Variants in DLGAP3 observed in about 807,000 individuals in gnomAD.
The protein encoded by DLGAP3 is DLG associated protein 3, also known as disks large-associated protein 3.
Under a neutral mutation model 81.2 loss-of-function variants are expected in DLGAP3, and 17 were observed. The observed-to-expected ratio is 0.21, with a 90% CI of 0.14 to 0.31. DLGAP3 has a LOEUF of 0.31. Among genes scored for constraint, DLGAP3 ranks in the 10% least tolerant of loss-of-function variants. DLGAP3 has a pLI of 1.00. For missense variants in DLGAP3, 1,124 were observed against 1,388.0 expected, an observed-to-expected ratio of 0.81 and a Z score of 3.02; for synonymous variants, 577 against 587.4, an observed-to-expected ratio of 0.98 and a Z score of 0.26.
Position 34,922,103 on chromosome 1 carries a change from C to T in DLGAP3, c.-135+7348G>A, listed in dbSNP as rs369939426. 6.0e-4 allele frequency among the ~76,000 whole-genome samples: 92 copies of T among 152,304 alleles called. No homozygotes were observed. In the South Asian group the frequency reaches 0.013, roughly 22 times the overall value. Reference sequence around the variant, plus strand: ...TTCTGTAGCAATGCCAATGTTTAAGCCCTGATCCTCTTTCCCCACATACAG... The same window carrying T: ...TTCTGTAGCAATGCCAATGTTTAAGTCCTGATCCTCTTTCCCCACATACAG... On this transcript the variant is annotated intron_variant, in intron 1 of 11. Coordinates refer to ENST00000373347, the MANE Select transcript of DLGAP3 (RefSeq NM_001080418.3).
intron 1 of DLGAP3, among the ~76,000 whole-genome samples, chr1:34,913,382 G>T (rs1345174608): frequency 1.3e-5 from 2 of 152,000 alleles, no homozygotes; most frequent in South Asian, 2.1e-4. Context: ...CCACCTCAGG[G>T]GGCTTTGCAC....
In DLGAP3 at chr1:34,868,645, C is replaced by G; in HGVS notation, c.2445G>C (p.Gln815His). 1 of 1,613,144 alleles carries G rather than the reference C, an allele frequency of 6.2e-7. No homozygotes were observed. The highest frequency in any genetic ancestry group is 1.1e-5 in the South Asian group (1 of 91,088). The change falls in exon 9 of 12, where the codon CAG (glutamine) becomes CAC (histidine). Residue 815 changes from glutamine (Q) to histidine (H), a missense_variant. By Grantham distance (24) the Gln-to-His change is conservative. Transcript: ENST00000373347. The surrounding 1 kb of genome is among the most constrained non-coding windows in gnomAD (Gnocchi z 7.5). Reference protein sequence around the residue: ...EVEKLEHWCQQMEREAEDYEL... With the variant: ...EVEKLEHWCQHMEREAEDYEL... The stretch of plus-strand genomic sequence containing the variant: ...CATAGTCCTCCGCCTCACGCTCCAT[C>G]TGCTGGCACCAGTGCTCCAGCTTCT...
chr1:34,875,287 C>A (rs1639034736), intron 8 of DLGAP3, among the ~76,000 whole-genome samples: 1 of 152,180 alleles, frequency 6.6e-6, no homozygotes, highest in South Asian at 2.1e-4. Flanking sequence ...ACAGAGTTCT[C>A]CAGGTGGCCC....
Position 34,867,325 on chromosome 1 carries a change from G to C in DLGAP3, c.2578-134C>G, listed in dbSNP as rs1001616. The C allele has an allele frequency of 0.31, 421,174 of 1,343,748 alleles. 77,074 individuals carry two copies. The highest frequency in any genetic ancestry group is 0.84 in the East Asian group (36,132 of 42,774). The allele number at this position is 1,343,748 out of a possible 1,614,324, so 83.2% of individuals were successfully genotyped here. A position where few individuals can be genotyped will look rare whatever the true frequency, so the allele number is the denominator to read the frequency against. On this transcript the variant is annotated intron_variant, in intron 10 of 11. Coordinates refer to ENST00000373347, the MANE Select transcript of DLGAP3 (RefSeq NM_001080418.3). The surrounding 1 kb of genome is among the most constrained non-coding windows in gnomAD (Gnocchi z 4.3). ...AGAGTGGGTGGGGGCTGGGAGACAG[G>C]GGGACAAGAGCGAGCCCAGGACTCC...
rs1195440302 is a variant in DLGAP3 at position 34,867,273 on chromosome 1, C to A, written c.2578-82G>T. The A allele has an allele frequency of 1.3e-6, 2 of 1,587,360 alleles. No homozygotes were observed. The highest frequency in any genetic ancestry group is 1.1e-5 in the South Asian group (1 of 90,212). On this transcript the variant is annotated intron_variant, in intron 10 of 11. Coordinates refer to ENST00000373347, the MANE Select transcript of DLGAP3 (RefSeq NM_001080418.3). The surrounding 1 kb of genome is among the most constrained non-coding windows in gnomAD (Gnocchi z 4.3). ...CAGGACAAGAGAAAGTCCTATCCAC[C>A]CTTACTGCCAGGAAGCTCAGCCTGG...
chr1:34,890,776 G>C (rs1639298471), intron 5 of DLGAP3, among the ~76,000 whole-genome samples: 1 of 152,220 alleles, frequency 6.6e-6, no homozygotes, highest in South Asian at 2.1e-4. Flanking sequence ...GCAACTTTGT[G>C]AGACACTTGA....
intron 1 of DLGAP3, among the ~76,000 whole-genome samples, chr1:34,910,522 T>A (rs1040119985): frequency 6.6e-6 from 1 of 152,174 alleles, no homozygotes; most frequent in African/African-American, 2.4e-5. Flanking sequence ...TTTTCCAACA[T>A]CCTCTCACAA....
In DLGAP3 at chr1:34,900,047, C is replaced by G; in HGVS notation, c.1313+21G>C. 1 of 1,607,646 alleles carries G rather than the reference C, an allele frequency of 6.2e-7. No homozygotes were observed. The highest frequency in any genetic ancestry group is 8.5e-7 in the Non-Finnish European group (1 of 1,177,224). On this transcript the variant is annotated intron_variant, in intron 4 of 11. Coordinates refer to ENST00000373347, the MANE Select transcript of DLGAP3 (RefSeq NM_001080418.3). The surrounding 1 kb of genome is among the most constrained non-coding windows in gnomAD (Gnocchi z 5.6). ...GCATCAGCCTCCTGACCCCGCACCC[C>G]CCGGCCCTCCCTGTCCTTACTTGAT... is the stretch of plus-strand genomic sequence containing the variant.
chr1:34,925,436 C>A (rs1018302587), intron 1 of DLGAP3: 1 of 152,638 alleles, frequency 6.6e-6, no homozygotes, highest in Admixed American at 6.5e-5. Context: ...TAGCTCCCCA[C>A]ACCCTGTTCT....
rs760654635 is a variant in DLGAP3, at chr1:34,900,046, C to G, written c.1313+22G>C. On this transcript the variant is annotated intron_variant, in intron 4 of 11. Transcript: ENST00000373347. The surrounding 1 kb of genome is among the most constrained non-coding windows in gnomAD (Gnocchi z 5.6). ...AGCATCAGCCTCCTGACCCCGCACC[C>G]CCCGGCCCTCCCTGTCCTTACTTGA... 1.2e-6 allele frequency: 2 copies of G among 1,606,446 alleles called. No homozygotes were observed. The highest frequency in any genetic ancestry group is 3.3e-5 in the Admixed American group (2 of 59,964).
chr1:34,899,749 A>T lies in DLGAP3; in HGVS notation c.1314-8T>A. ...CGGGGTGGGACACAGCAGCTGGAAA[A>T]GGGCAAAATTCCGGAGTCAGAACAG... On this transcript the variant is annotated splice_polypyrimidine_tract_variant and splice_region_variant and intron_variant, in intron 4 of 11. Transcript: ENST00000373347. 6.2e-7 allele frequency: 1 copy of T among 1,613,308 alleles called. No individual in the cohort carries two copies. Among genetic ancestry groups the T allele is most frequent in the Non-Finnish European group, 8.5e-7 (1 of 1,179,448 alleles).
In DLGAP3 at chr1:34,904,929, G is replaced by A. The variant is rs745685047; in HGVS notation, c.455C>T (p.Pro152Leu). The change falls in exon 3 of 12, where the codon CCA becomes CTA. Residue 152 changes from proline (P) to leucine (L), a missense_variant. Transcript: ENST00000373347. The surrounding 1 kb of genome is among the most constrained non-coding windows in gnomAD (Gnocchi z 8.1). ...QRGPAGAGPG[P>L]APGTGTAPEP... ...TGGGGCAGTGCCCGTCCCTGGCGCT[G>A]GCCCGGGCCCTGCCCCTGCTGGCCC... is the stretch of plus-strand genomic sequence containing the variant. 1 of 1,612,410 alleles carries A rather than the reference G, an allele frequency of 6.2e-7. No homozygotes were observed. The highest frequency in any genetic ancestry group is 1.1e-5 in the South Asian group (1 of 91,074).
Position 34,904,934 on chromosome 1 carries a change from G to GGGCCCTGCCCCTGCT in DLGAP3, c.435_449dup (p.Ala146_Pro150dup), listed in dbSNP as rs1553123618. On this transcript the variant is annotated inframe_insertion, in exon 3 of 12. Transcript: ENST00000373347. This position sits in a 1 kb window ranked among gnomAD's most constrained non-coding sequence, Gnocchi z 8.1. ...CAGTGCCCGTCCCTGGCGCTGGCCC[G>GGGCCCTGCCCCTGCT]GGCCCTGCCCCTGCTGGCCCTCGCT... 6.2e-7 allele frequency: 1 copy of GGGCCCTGCCCCTGCT among 1,612,312 alleles called. No homozygotes were observed. Among genetic ancestry groups the GGGCCCTGCCCCTGCT allele is most frequent in the Non-Finnish European group, 8.5e-7 (1 of 1,179,762 alleles).
intron 8 of DLGAP3, among the ~76,000 whole-genome samples, chr1:34,882,264 G>A (rs1286657103): frequency 6.6e-6 from 1 of 152,162 alleles, no homozygotes; most frequent in African/African-American, 2.4e-5. Context: ...ATCACCTGAG[G>A]TCAGGAGCTT....
Position 34,885,498 on chromosome 1 carries a change from G to T in DLGAP3, c.1894C>A (p.Arg632=), listed in dbSNP as rs767536889. Residue 632 remains arginine, a synonymous_variant, in exon 7 of 12, where the codon CGG becomes AGG. Transcript: ENST00000373347. ...LRSLARQRKW[R]PSIGVQVETI... is the part of the protein sequence containing the mutation. ...CATACCTGCACCCCAATGGACGGCC[G>T]CCACTTCCGCTGCCGCGCCAGGCTC... 8.7e-6 allele frequency: 14 copies of T among 1,608,266 alleles called. No individual in the cohort carries two copies. Among genetic ancestry groups the T allele is most frequent in the Non-Finnish European group, 1.1e-5 (13 of 1,179,842 alleles).
rs1284716180 is a variant in DLGAP3 at position 34,895,972 on chromosome 1, T to C, written c.1386+3697A>G. 6.6e-6 allele frequency among the ~76,000 whole-genome samples: 1 copy of C among 151,320 alleles called. No homozygotes were observed. The highest frequency in any genetic ancestry group is 1.5e-5 in the Non-Finnish European group (1 of 67,870). ...CACACACACTACTCAAAGTGGGTCA[T>C]ACATCTAAATATAAATGTTAAACTA... On this transcript the variant is annotated intron_variant, in intron 5 of 11. Coordinates refer to ENST00000373347, the MANE Select transcript of DLGAP3 (RefSeq NM_001080418.3). This position sits in a 1 kb window ranked among gnomAD's most constrained non-coding sequence, Gnocchi z 4.5.
Position 34,867,248 on chromosome 1 carries a change from CA to C in DLGAP3, c.2578-58del. 1 of 1,610,200 alleles carries C rather than the reference CA, an allele frequency of 6.2e-7. No homozygotes were observed. Among genetic ancestry groups the C allele is most frequent in the Admixed American group, 1.7e-5 (1 of 59,962 alleles). On this transcript the variant is annotated intron_variant, in intron 10 of 11. Coordinates refer to ENST00000373347, the MANE Select transcript of DLGAP3 (RefSeq NM_001080418.3). This position sits in a 1 kb window ranked among gnomAD's most constrained non-coding sequence, Gnocchi z 4.3. ...TGGTCAAGGAGGTCTGAGCCCCAGC[CA>C]GGACAAGAGAAAGTCCTATCCACCC...
At position 34,867,108 on chromosome 1, in the gene DLGAP3, G is replaced by A; in HGVS notation, c.2661C>T (p.Thr887=). The change falls in exon 11 of 12, where the codon ACC becomes ACT. Residue 887 remains threonine, a synonymous_variant. Transcript: ENST00000373347. This position sits in a 1 kb window ranked among gnomAD's most constrained non-coding sequence, Gnocchi z 4.3. ...GTTGCTGTAGCTCCAGGAACTTGAGGGTCACATCCTCGATGGAGAGCTGTA... is the reference window on the plus strand; with the variant it reads ...GTTGCTGTAGCTCCAGGAACTTGAGAGTCACATCCTCGATGGAGAGCTGTA... ...DLLQLSIEDV[T]LKFLELQQLK... 1.9e-6 allele frequency: 3 copies of A among 1,614,178 alleles called. No individual in the cohort carries two copies. The highest frequency in any genetic ancestry group is 2.2e-5 in the East Asian group (1 of 44,888).
chr1:34,866,555 C>G (rs545292443), intron 11 of DLGAP3, among the ~76,000 whole-genome samples: 20 of 152,310 alleles, frequency 1.3e-4, no homozygotes, highest in Middle Eastern at 3.4e-3. Flanking sequence ...CAGCTCGCAG[C>G]AGAGCCGGTT....
Sources: gnomAD v4.1 joint callset for allele counts (sites outside exome capture counted in the v4.1 genomes callset) on GRCh38, gnomAD v4.1.1 for gene constraint, Gnocchi (gnomAD v3.1) non-coding constraint, MANE v1.5 for transcripts, NCBI Gene and HGNC (gene_info 2026-07-23, HGNC 2026-07-21) for gene names.